HDAC4: variants seen among roughly 807,000 people sequenced by gnomAD.
The protein encoded by HDAC4 is histone deacetylase 4, also known as histone deacetylase A.
Under a neutral mutation model 135.1 loss-of-function variants are expected in HDAC4, and 16 were observed. The ratio of observed to expected loss-of-function variants is 0.12; its 90% confidence interval spans 0.08 to 0.18. The LOEUF (loss-of-function observed/expected upper bound fraction) is 0.18, where lower values mean the gene tolerates loss of function less well. Among genes scored for constraint, HDAC4 ranks in the 10% least tolerant of loss-of-function variants. HDAC4 has a pLI of 1.00. For missense variants in HDAC4, 1,143 were observed against 1,511.8 expected, an observed-to-expected ratio of 0.76 and a Z score of 4.05; for synonymous variants, 685 against 653.4, an observed-to-expected ratio of 1.05 and a Z score of -0.74.
rs190051521 is a variant in HDAC4 at position 239,078,717 on chromosome 2, T to C, written c.2750+2378A>G. Among the ~76,000 whole-genome samples the C allele has an allele frequency of 4.9e-3, 733 of 149,852 alleles. 5 individuals carry two copies. The highest frequency in any genetic ancestry group is 0.017 in the African/African-American group (699 of 40,648). ...CCGGCCGGGGCCTGGGGAGGGGGAG[T>C]GACCCTGACGGCAGACGCCCATTGC... On this transcript the variant is annotated intron_variant, in intron 22 of 26. Transcript: ENST00000543185.
intron 1 of HDAC4, among the ~76,000 whole-genome samples, chr2:239,367,400 T>G (rs536887428): frequency 6.6e-6 from 1 of 152,324 alleles, no homozygotes; most frequent in African/African-American, 2.4e-5. Flanking sequence ...ACCTATCTAT[T>G]TAACATGTAA....
At chr2:239,163,072 C>G (rs551982268) in intron 6 of HDAC4, among the ~76,000 whole-genome samples, 1 of 115,452 alleles carries the variant, frequency 8.7e-6, no homozygotes, top group East Asian at 2.4e-4. Flanking sequence ...CTCGCTCGCA[C>G]TGTGCTCTGT....
intron 2 of HDAC4, among the ~76,000 whole-genome samples, chr2:239,345,569 C>CT (rs1692558364): frequency 6.6e-6 from 1 of 151,076 alleles, no homozygotes; most frequent in Non-Finnish European, 1.5e-5. Flanking sequence ...CACACACACC[C>CT]AACACACACA....
chr2:239,272,189 A>G (rs2050095760), intron 2 of HDAC4, among the ~76,000 whole-genome samples: 1 of 152,240 alleles, frequency 6.6e-6, no homozygotes, highest in South Asian at 2.1e-4. Flanking sequence ...TAGCATTTAC[A>G]TTCAACAGAA....
chr2:239,205,521 A>G (rs1302744109), intron 3 of HDAC4, among the ~76,000 whole-genome samples: 1 of 152,184 alleles, frequency 6.6e-6, no homozygotes, highest in Non-Finnish European at 1.5e-5. Flanking sequence ...AAAACTAAGA[A>G]AGTTTAAAAA....
At chr2:239,280,924 CTCCACACAATG>C (rs2050682827) in intron 2 of HDAC4, among the ~76,000 whole-genome samples, 1 of 150,230 alleles carries the variant, frequency 6.7e-6, no homozygotes. Context: ...ACACACCACT[CTCCACACAATG>C]TACACACCAC....
chr2:239,306,535 T>C lies in HDAC4; in HGVS notation c.22+46143A>G, dbSNP rs6543522. On this transcript the variant is annotated intron_variant, in intron 2 of 26. Transcript: ENST00000543185. This position sits in a 1 kb window ranked among gnomAD's most constrained non-coding sequence, Gnocchi z 4.5. ...CAAATCATCTGGGCCCCGACACACTTGTTTCGTACCTTTCCCGGTCATGAT... is the reference window on the plus strand; with the variant it reads ...CAAATCATCTGGGCCCCGACACACTCGTTTCGTACCTTTCCCGGTCATGAT... Among the ~76,000 whole-genome samples, 85,763 of 151,934 alleles carry C rather than the reference T, an allele frequency of 0.56. 25,159 individuals carry two copies. The highest frequency in any genetic ancestry group is 0.86 in the East Asian group (4,421 of 5,128).
At position 239,301,467 on chromosome 2, in the gene HDAC4, C is replaced by CTTT. The variant is rs368766670; in HGVS notation, c.22+51208_22+51210dup. Among the ~76,000 whole-genome samples the CTTT allele has an allele frequency of 1.3e-3, 170 of 130,244 alleles. 3 individuals carry two copies. The highest frequency in any genetic ancestry group is 3.8e-3 in the African/African-American group (141 of 36,946). 85.4% of individuals were successfully genotyped at this position (130,244 alleles called of 152,430 possible). ...CATTTCTAAATTCTGCTGGTGCTTT[C>CTTT]TTTCTTTTTTTTTTTTTTTATTTTT... On this transcript the variant is annotated intron_variant, in intron 2 of 26. Coordinates refer to ENST00000543185, the MANE Select transcript of HDAC4 (RefSeq NM_001378414.1).
intron 1 of HDAC4, among the ~76,000 whole-genome samples, chr2:239,376,461 C>A (rs930218271): frequency 6.6e-6 from 1 of 152,240 alleles, no homozygotes; most frequent in African/African-American, 2.4e-5. Context: ...TCACAACCCT[C>A]CTGATGGTGC....
intron 18 of HDAC4, among the ~76,000 whole-genome samples, chr2:239,087,844 G>A (rs573570711): frequency 2.2e-5 from 3 of 137,372 alleles, no homozygotes; most frequent in Admixed American, 1.5e-4. Context: ...TGGTTCCCCC[G>A]AAACGCAGTC....
chr2:239,235,558 G>T (rs1365306950), intron 3 of HDAC4, among the ~76,000 whole-genome samples: 1 of 152,230 alleles, frequency 6.6e-6, no homozygotes, highest in Non-Finnish European at 1.5e-5. Context: ...ACGGAACACT[G>T]GTTCCCTCAG....
rs2031128796 is a variant in HDAC4, at chr2:239,053,111, C to G, written c.3256G>C (p.Glu1086Gln). Reference protein sequence around the residue: ...KRPDEEPMEEEPPL With the variant: ...KRPDEEPMEEQPPL The stretch of plus-strand genomic sequence containing the variant: ...TCGAGGGAGTGCTACAGGGGCGGCT[C>G]CTCTTCCATGGGCTCCTCATCTGGT... Residue 1086 changes from glutamate to glutamine, a missense_variant, in exon 27 of 27, where the codon GAG (glutamate) becomes CAG (glutamine). Transcript: ENST00000543185. 6.2e-7 allele frequency: 1 copy of G among 1,614,100 alleles called. No homozygotes were observed. Among genetic ancestry groups the G allele is most frequent in the Non-Finnish European group, 8.5e-7 (1 of 1,180,040 alleles).
rs62189545 is a variant in HDAC4 at position 239,086,373 on chromosome 2, A to C, written c.2444+1186T>G. Among the ~76,000 whole-genome samples, 656 of 81,962 alleles carry C rather than the reference A, an allele frequency of 8.0e-3. 7 individuals are homozygous for C. Among genetic ancestry groups the C allele is most frequent in the Admixed American group, 0.01 (75 of 7,464 alleles). 53.8% of individuals were successfully genotyped at this position (81,962 alleles called of 152,430 possible). ...GTCTCCTCCCTGTACATGAAGGAGA[A>C]TCTGCTCTAACACGCGGATCTGACT... On this transcript the variant is annotated intron_variant, in intron 19 of 26. Transcript: ENST00000543185.
chr2:239,315,166 C>T (rs1246518939), intron 2 of HDAC4, among the ~76,000 whole-genome samples: 2 of 152,182 alleles, frequency 1.3e-5, no homozygotes, highest in Non-Finnish European at 2.9e-5. Context: ...AAGCCTCACA[C>T]TTCGAGTTGT....
chr2:239,369,352 C>A (rs935121215), intron 1 of HDAC4, among the ~76,000 whole-genome samples: 4 of 152,158 alleles, frequency 2.6e-5, no homozygotes, highest in African/African-American at 4.8e-5. Context: ...AAGCCGACTG[C>A]CCGGCGGGGG....
intron 2 of HDAC4, among the ~76,000 whole-genome samples, chr2:239,314,265 G>A (rs776089000): frequency 6.6e-6 from 1 of 152,212 alleles, no homozygotes; most frequent in Non-Finnish European, 1.5e-5. Flanking sequence ...GGTAGCGGGA[G>A]TAAGTCCCGG....
At chr2:239,095,085 G>C in intron 16 of HDAC4, 29 bp from the exon 17 acceptor site, 5 of 1,613,578 alleles carry the variant, frequency 3.1e-6, no homozygotes, top group Non-Finnish European at 4.2e-6. Context: ...CGGTCAGAGA[G>C]GCCAAGGGCA....
intron 11 of HDAC4, among the ~76,000 whole-genome samples, chr2:239,128,339 G>A (rs1441431788): frequency 1.3e-5 from 2 of 151,878 alleles, no homozygotes; most frequent in African/African-American, 4.8e-5. Flanking sequence ...GGTCAGACTG[G>A]CCAACATGGC....
intron 4 of HDAC4, among the ~76,000 whole-genome samples, chr2:239,188,094 C>T (rs1197711631): frequency 6.6e-6 from 1 of 152,210 alleles, no homozygotes; most frequent in Admixed American, 6.5e-5. Flanking sequence ...ACCTCCCAGC[C>T]CCCGTTCCCT....
Sources: allele counts gnomAD v4.1 joint callset (sites outside exome capture counted in the v4.1 genomes callset), GRCh38; gene constraint gnomAD v4.1.1; non-coding constraint Gnocchi (gnomAD v3.1); transcripts MANE v1.5; gene names NCBI Gene and HGNC (gene_info 2026-07-23, HGNC 2026-07-21).